CDKL2: variants seen among roughly 807,000 people sequenced by gnomAD.
The protein encoded by CDKL2 is cyclin-dependent kinase-like 2.
CDKL2 carries 64 observed loss-of-function variants against 63.9 expected under a neutral mutation model. The observed-to-expected ratio is 1.00, with a 90% CI of 0.82 to 1.23. The LOEUF is 1.23. CDKL2 is among the 50% of genes most tolerant of loss of function. The probability of loss-of-function intolerance (pLI) is 0.00; values close to 1 mark genes in which losing one functional copy is unlikely to be tolerated. For synonymous variants in CDKL2, 211 were observed against 229.2 expected (o/e 0.92, Z 0.72); for missense variants, 656 against 668.0 (o/e 0.98, Z 0.20).
intron 12 of CDKL2, among the ~76,000 whole-genome samples, chr4:75,589,780 A>C (rs4610362): frequency 0.15 from 22,681 of 152,064 alleles, 1,809 homozygotes; most frequent in South Asian, 0.35. Flanking sequence ...CCTCAGCTGG[A>C]AAATGGATAA....
At chr4:75,615,615 G>A (rs932974496) in intron 2 of CDKL2, among the ~76,000 whole-genome samples, 1 of 152,218 alleles carries the variant, frequency 6.6e-6, no homozygotes, top group African/African-American at 2.4e-5. Flanking sequence ...TTATACAAAT[G>A]TGGGCATCAT....
At chr4:75,584,187 T>C (rs142832583) in intron 12 of CDKL2, among the ~76,000 whole-genome samples, 1 of 152,346 alleles carries the variant, frequency 6.6e-6, no homozygotes, top group East Asian at 1.9e-4. Context: ...ATGTGAGCTC[T>C]TAGCATCAGA....
chr4:75,603,761 G>T, intron 6 of CDKL2, 56 bp downstream of exon 6: 13 of 953,964 alleles, frequency 1.4e-5, no homozygotes, highest in South Asian at 2.3e-5. Flanking sequence ...AAAAAAAAAA[G>T]GTCTTGATAG....
At chr4:75,602,897 A>G (rs1729258386) in intron 6 of CDKL2, among the ~76,000 whole-genome samples, 1 of 152,156 alleles carries the variant, frequency 6.6e-6, no homozygotes, top group South Asian at 2.1e-4. Context: ...TGTTAAACGT[A>G]AAAATCATAC....
intron 12 of CDKL2, among the ~76,000 whole-genome samples, chr4:75,583,122 A>G (rs1728330562): frequency 6.6e-6 from 1 of 152,236 alleles, no homozygotes; most frequent in Non-Finnish European, 1.5e-5. Context: ...CAGAAATGGT[A>G]AAGAGCTAGG....
Position 75,599,530 on chromosome 4 carries a change from C to T in CDKL2, c.884+751G>A, listed in dbSNP as rs1015295921. On this transcript the variant is annotated intron_variant, in intron 7 of 13. Transcript: ENST00000307465. ...GAGCCAAGATTGCACCACTGCACTC[C>T]AGCCTGGGCAACAAGAGCAAAAAAA... 3.7e-5 allele frequency among the ~76,000 whole-genome samples: 5 copies of T among 134,126 alleles called. No individual in the cohort carries two copies. In the Admixed American group the frequency reaches 3.9e-4, roughly 11 times the overall value. 88.0% of individuals were successfully genotyped at this position (134,126 alleles called of 152,430 possible).
chr4:75,625,691 A>T (rs1158929727), intron 2 of CDKL2, 130 bp downstream of exon 2: 9 of 680,018 alleles, frequency 1.3e-5, no homozygotes, highest in Non-Finnish European at 1.9e-5. Flanking sequence ...GAGAAGGAAC[A>T]AACACTTTTA....
At chr4:75,595,952 G>C (rs1728896714) in intron 10 of CDKL2, 1 of 272,884 alleles carries the variant, frequency 3.7e-6, no homozygotes, top group Non-Finnish European at 6.5e-6. Flanking sequence ...GAAAAAGAAA[G>C]AGAGGAAGGA....
Position 75,588,850 on chromosome 4 carries a change from GTGCCAGAT to G in CDKL2, c.1647+2961_1647+2968del, listed in dbSNP as rs754772320. On this transcript the variant is annotated intron_variant, in intron 12 of 13. Transcript: ENST00000307465. ...TACAAATCCATCTGCATTATCTGTT[GTGCCAGAT>G]AGCAAGGAATTCCTCAAAGGAATTC... Among the ~76,000 whole-genome samples the G allele has an allele frequency of 2.3e-4, 35 of 151,186 alleles. No homozygotes were observed. The South Asian group carries it at 3.2e-3, about 14-fold the overall frequency.
intron 1 of CDKL2, among the ~76,000 whole-genome samples, chr4:75,629,727 G>A (rs1317211465): frequency 6.6e-6 from 1 of 152,044 alleles, no homozygotes; most frequent in African/African-American, 2.4e-5. Flanking sequence ...ATCACCTGAG[G>A]TTGCGAGTTC....
At chr4:75,580,846 G>A (rs1448034643) in intron 13 of CDKL2, among the ~76,000 whole-genome samples, 6 of 149,262 alleles carry the variant, frequency 4.0e-5, no homozygotes, top group African/African-American at 9.8e-5. Context: ...GACTACAGGC[G>A]CCCGCTACCA....
chr4:75,596,033 AAAGGAAGGAAGGAGT>A, intron 10 of CDKL2, 199 bp downstream of exon 10: 1 of 33,810 alleles, frequency 3.0e-5, no homozygotes, highest in Non-Finnish European at 5.2e-5. Flanking sequence ...AGGAAGGAAG[AAAGGAAGGAAGGAGT>A]TTTTAGACTC....
chr4:75,611,378 G>C (rs1231914234), intron 3 of CDKL2, among the ~76,000 whole-genome samples: 1 of 146,072 alleles, frequency 6.8e-6, no homozygotes, highest in Non-Finnish European at 1.5e-5. Flanking sequence ...AGAACCGCTT[G>C]AACCCAGGAG....
chr4:75,629,126 T>G (rs1232846025), intron 1 of CDKL2, among the ~76,000 whole-genome samples: 1 of 152,190 alleles, frequency 6.6e-6, no homozygotes, highest in East Asian at 1.9e-4. Flanking sequence ...TTCTTAATTT[T>G]TTTCTCTTCC....
intron 1 of CDKL2, among the ~76,000 whole-genome samples, chr4:75,628,305 CG>C: frequency 6.6e-6 from 1 of 152,100 alleles, no homozygotes; most frequent in East Asian, 1.9e-4. Context: ...TTAGTAGAGA[CG>C]GGGTTTCACC....
chr4:75,583,975 C>T (rs76136196), intron 12 of CDKL2, among the ~76,000 whole-genome samples: 141 of 152,282 alleles, frequency 9.3e-4, no homozygotes, highest in African/African-American at 3.3e-3. Context: ...TGTTAATGGT[C>T]TAAACATTCT....
At chr4:75,582,885 C>A (rs563609456) in intron 12 of CDKL2, among the ~76,000 whole-genome samples, 24 of 152,268 alleles carry the variant, frequency 1.6e-4, no homozygotes, top group African/African-American at 5.5e-4. Context: ...AGAATCCCAT[C>A]TTTATAGTGC....
At chr4:75,624,548 C>T (rs1730308655) in intron 2 of CDKL2, among the ~76,000 whole-genome samples, 1 of 146,450 alleles carries the variant, frequency 6.8e-6, no homozygotes, top group African/African-American at 2.5e-5. Context: ...AAGACCCTGT[C>T]TCAAAAAAAC....
intron 2 of CDKL2, among the ~76,000 whole-genome samples, chr4:75,621,976 AAC>A (rs1730174622): frequency 6.6e-6 from 1 of 152,182 alleles, no homozygotes; most frequent in African/African-American, 2.4e-5. Context: ...TAGCAGCAAT[AAC>A]ACATATATCT....
Sources: allele counts gnomAD v4.1 joint callset (sites outside exome capture counted in the v4.1 genomes callset), GRCh38; gene constraint gnomAD v4.1.1; transcripts MANE v1.5; gene names NCBI Gene and HGNC (gene_info 2026-07-23, HGNC 2026-07-21).